The following UBE3A variants were observed in gnomAD, a reference collection of about 807,000 sequenced individuals.
The protein encoded by UBE3A is ubiquitin protein ligase E3A.
A neutral mutation model predicts 83.4 loss-of-function variants in UBE3A; 6 were observed. That is an observed-to-expected ratio of 0.07 (90% CI 0.04 to 0.14). The LOEUF (loss-of-function observed/expected upper bound fraction) is 0.14, where lower values mean the gene tolerates loss of function less well. Among genes scored for constraint, UBE3A ranks in the 10% least tolerant of loss-of-function variants. UBE3A has a pLI of 1.00. For missense variants in UBE3A, 456 were observed against 1,036.1 expected, an observed-to-expected ratio of 0.44 and a Z score of 7.69; for synonymous variants, 337 against 355.4, an observed-to-expected ratio of 0.95 and a Z score of 0.58.
rs1034092869 is a variant in UBE3A at position 25,340,002 on chromosome 15, A to G, written c.2498+83T>C. The G allele has an allele frequency of 1.3e-5, 20 of 1,553,222 alleles. No homozygotes were observed. In the African/African-American group the frequency reaches 1.6e-4, roughly 13 times the overall value. On this transcript the variant is annotated intron_variant, in intron 12 of 12. Transcript: ENST00000648336. ...ATATAAAATCACGAATGTGCTCAGA[A>G]ACTATAAAGACAGTTCATATGTATG... is the stretch of plus-strand genomic sequence containing the variant.
chr15:25,355,566 G>A (rs952267676), intron 9 of UBE3A, among the ~76,000 whole-genome samples: 2 of 152,096 alleles, frequency 1.3e-5, no homozygotes, highest in African/African-American at 4.8e-5. Context: ...TTTGTTCTGT[G>A]ATAAAGACCT....
At chr15:25,350,107 A>AAAT (rs898010834) in intron 11 of UBE3A, among the ~76,000 whole-genome samples, 8 of 152,162 alleles carry the variant, frequency 5.3e-5, no homozygotes, top group African/African-American at 1.9e-4. Flanking sequence ...TTCTACAAAA[A>AAAT]AATAACCAAC....
chr15:25,370,116 C>T lies in UBE3A; in HGVS notation c.1608+450G>A, dbSNP rs977745364. Among the ~76,000 whole-genome samples the T allele has an allele frequency of 4.6e-5, 7 of 152,196 alleles. No homozygotes were observed. Among genetic ancestry groups the T allele is most frequent in the African/African-American group, 1.4e-4 (6 of 41,438 alleles). ...TGCCATGGTCACTTCATCAAGTCCA[C>T]AATAATGCAACTCTGAATTTTACAC... On this transcript the variant is annotated intron_variant, in intron 6 of 12. Coordinates refer to ENST00000648336, the MANE Select transcript of UBE3A (RefSeq NM_130839.5). The surrounding 1 kb of genome is among the most constrained non-coding windows in gnomAD (Gnocchi z 4.2).
intron 1 of UBE3A, among the ~76,000 whole-genome samples, chr15:25,429,187 T>C (rs962297870): frequency 3.3e-5 from 5 of 152,208 alleles, no homozygotes. Context: ...TACACATGTA[T>C]AGTAAAAGTA....
At chr15:25,375,236 A>C (rs1396737180) in intron 5 of UBE3A, 2 of 534,916 alleles carry the variant, frequency 3.7e-6, no homozygotes, top group Non-Finnish European at 6.5e-6. Flanking sequence ...AAAAGTTCAA[A>C]TCAATCTATT....
chr15:25,356,388 C>G (rs2077217304), intron 8 of UBE3A, among the ~76,000 whole-genome samples: 1 of 152,090 alleles, frequency 6.6e-6, no homozygotes, highest in African/African-American at 2.4e-5. Context: ...GACCCTTAGC[C>G]AGGGCTACTC....
intron 4 of UBE3A, among the ~76,000 whole-genome samples, chr15:25,385,994 A>G (rs4488416): frequency 0.38 from 57,272 of 152,044 alleles, 14,192 homozygotes; most frequent in African/African-American, 0.71. Context: ...AGACTATTCC[A>G]GTCTTAACAA....
rs1276494234 is a variant in UBE3A, at chr15:25,337,776, A to C, written c.*1361T>G. 1 of 152,166 alleles carries C rather than the reference A, an allele frequency of 6.6e-6. No homozygotes were observed. Among genetic ancestry groups the C allele is most frequent in the Admixed American group, 6.5e-5 (1 of 15,268 alleles). The allele number at this position is 152,166 out of a possible 1,614,324, so 9.4% of individuals were successfully genotyped here. A position where few individuals can be genotyped will look rare whatever the true frequency, so the allele number is the denominator to read the frequency against. On this transcript the variant is annotated 3_prime_UTR_variant, in exon 13 of 13. Coordinates refer to ENST00000648336, the MANE Select transcript of UBE3A (RefSeq NM_130839.5). The stretch of plus-strand genomic sequence containing the variant: ...ATATATCAATGTCTCACCTTAGTTA[A>C]AAATACATAATCCTTTTATTTTATA...
intron 3 of UBE3A, among the ~76,000 whole-genome samples, chr15:25,406,825 C>A (rs1272687978): frequency 7.8e-6 from 1 of 127,680 alleles, no homozygotes; most frequent in Non-Finnish European, 1.6e-5. Context: ...CACTGCAATT[C>A]ATTCAGATTC....
intron 6 of UBE3A, among the ~76,000 whole-genome samples, chr15:25,361,776 A>G (rs903873870): frequency 5.3e-5 from 8 of 152,210 alleles, no homozygotes; most frequent in Non-Finnish European, 1.2e-4. Flanking sequence ...AAAATTTACC[A>G]AAACAGGATA....
chr15:25,343,246 G>A (rs1238199311), intron 11 of UBE3A, among the ~76,000 whole-genome samples: 1 of 152,188 alleles, frequency 6.6e-6, no homozygotes, highest in African/African-American at 2.4e-5. Context: ...TATGGGAAGA[G>A]TCTGGCGAAT....
At chr15:25,398,764 C>CTT (rs1430740147) in intron 4 of UBE3A, among the ~76,000 whole-genome samples, 4 of 72,696 alleles carry the variant, frequency 5.5e-5, no homozygotes, top group African/African-American at 1.9e-4. Flanking sequence ...TGATTTTATT[C>CTT]TTTTATTTAT....
At chr15:25,362,752 AC>A (rs1456236961) in intron 6 of UBE3A, among the ~76,000 whole-genome samples, 1 of 152,238 alleles carries the variant, frequency 6.6e-6, no homozygotes, top group African/African-American at 2.4e-5. Flanking sequence ...GACCAGGCCA[AC>A]ATTCCATATT....
intron 7 of UBE3A, chr15:25,357,443 G>A (rs2077374148): frequency 1.3e-5 from 2 of 153,912 alleles, no homozygotes; most frequent in South Asian, 4.1e-4. Flanking sequence ...CTGCCTCCTA[G>A]GTTCAAACAA....
At chr15:25,422,987 C>T (rs879624622) in intron 1 of UBE3A, among the ~76,000 whole-genome samples, 14 of 151,800 alleles carry the variant, frequency 9.2e-5, no homozygotes, top group Non-Finnish European at 1.8e-4. Context: ...GATCCTATCT[C>T]TAAAAAGTTT....
At chr15:25,348,718 C>G (rs541583522) in intron 11 of UBE3A, among the ~76,000 whole-genome samples, 1 of 152,194 alleles carries the variant, frequency 6.6e-6, no homozygotes, top group South Asian at 2.1e-4. Flanking sequence ...CCACTAATAG[C>G]ATTAGAAACA....
intron 6 of UBE3A, among the ~76,000 whole-genome samples, chr15:25,368,346 G>A (rs540060918): frequency 2.8e-4 from 43 of 151,870 alleles, no homozygotes; most frequent in Admixed American, 2.8e-3. Context: ...GACCTATTTC[G>A]ATGCTGGTTT....
intron 7 of UBE3A, among the ~76,000 whole-genome samples, chr15:25,358,975 A>C (rs907522373): frequency 6.6e-6 from 1 of 152,200 alleles, no homozygotes; most frequent in African/African-American, 2.4e-5. Context: ...GAATTTAATA[A>C]AATGTCACAA....
chr15:25,388,700 C>T (rs180998103), intron 4 of UBE3A, among the ~76,000 whole-genome samples: 333 of 151,630 alleles, frequency 2.2e-3, no homozygotes, highest in Admixed American at 5.9e-3. Flanking sequence ...AGAACATAGA[C>T]AGGAATTGAA....
Sources: gnomAD v4.1 joint callset for allele counts (sites outside exome capture counted in the v4.1 genomes callset) on GRCh38, gnomAD v4.1.1 for gene constraint, Gnocchi (gnomAD v3.1) non-coding constraint, MANE v1.5 for transcripts, NCBI Gene and HGNC (gene_info 2026-07-23, HGNC 2026-07-21) for gene names.